The following OTULIN variants were observed in gnomAD, a reference collection of about 807,000 sequenced individuals.
OTULIN encodes ubiquitin thioesterase otulin.
OTULIN carries 15 observed loss-of-function variants against 39.6 expected under a neutral mutation model. The ratio of observed to expected loss-of-function variants is 0.38; its 90% CI spans 0.25 to 0.58. The LOEUF (loss-of-function observed/expected upper bound fraction) is 0.58. Ranked by LOEUF, OTULIN falls within the 20% of genes least tolerant of loss-of-function variation. OTULIN has a pLI of 0.66. For missense variants in OTULIN, 319 were observed against 445.9 expected, an observed-to-expected ratio of 0.72 and a Z score of 2.56; for synonymous variants, 156 against 170.3, an observed-to-expected ratio of 0.92 and a Z score of 0.65.
chr5:14,678,604 T>C, intron 2 of OTULIN, 77 bp from the exon 3 acceptor site: 1 of 1,020,906 alleles, frequency 9.8e-7, no homozygotes, highest in South Asian at 1.8e-5. Flanking sequence ...GAGTGAAGGG[T>C]AACCCCCAAC....
chr5:14,712,193 G>T, the OTULIN span, among the ~76,000 whole-genome samples: 2 of 152,238 alleles, frequency 1.3e-5, no homozygotes, highest in Admixed American at 6.5e-5. Context: ...GCAGGGGACA[G>T]CCAGTGTCCT....
chr5:14,694,022 G>A lies in OTULIN; in HGVS notation c.*974G>A, dbSNP rs1736601935. The A allele has an allele frequency of 6.6e-6, 1 of 152,306 alleles. No individual in the cohort carries two copies. Among genetic ancestry groups the A allele is most frequent in the Admixed American group, 6.5e-5 (1 of 15,286 alleles). The allele number at this position is 152,306 out of a possible 1,614,324, so 9.4% of individuals were successfully genotyped here. ...GAACCAAAGGCCAAATTACTTTGAG[G>A]TAGGGCTTAGCTGGACCTGGGTTTT... On this transcript the variant is annotated 3_prime_UTR_variant, in exon 7 of 7. Transcript: ENST00000284274.
chr5:14,703,902 C>T (rs1736864458), downstream of OTULIN, among the ~76,000 whole-genome samples: 1 of 152,096 alleles, frequency 6.6e-6, no homozygotes, highest in Non-Finnish European at 1.5e-5. Context: ...AATAGGCAAT[C>T]CCAAGCGAGT....
At chr5:14,700,657 C>G (rs1736778470), downstream of OTULIN, among the ~76,000 whole-genome samples, 1 of 150,102 alleles carries the variant, frequency 6.7e-6, no homozygotes, top group Admixed American at 6.7e-5. Flanking sequence ...CCCGCTGTGC[C>G]TACCCTCCCC....
chr5:14,714,534 C>T, the OTULIN span, among the ~76,000 whole-genome samples: 5 of 152,328 alleles, frequency 3.3e-5, no homozygotes, highest in South Asian at 2.1e-4. Context: ...ATAAAAATTC[C>T]TTTCCAGGAT....
At chr5:14,667,824 T>G (rs1268027574) in intron 1 of OTULIN, among the ~76,000 whole-genome samples, 3 of 152,082 alleles carry the variant, frequency 2.0e-5, no homozygotes, top group Non-Finnish European at 4.4e-5. Flanking sequence ...TAACTTAGGG[T>G]CATATTTGAA....
rs371849316 is a variant in OTULIN, at chr5:14,668,737, T to C, written c.152+3760T>C. Among the ~76,000 whole-genome samples the C allele has an allele frequency of 6.6e-5, 10 of 152,370 alleles. No homozygotes were observed. In the East Asian group the frequency reaches 1.2e-3, roughly 18 times the overall value. On this transcript the variant is annotated intron_variant, in intron 1 of 6. Coordinates refer to ENST00000284274, the MANE Select transcript of OTULIN (RefSeq NM_138348.6). ...TCATAATGGTGAGTGATTAAAATTC[T>C]GTCTTGTTAGCTTTGCATATACATT...
the OTULIN span, among the ~76,000 whole-genome samples, chr5:14,714,252 C>T: frequency 6.6e-6 from 1 of 152,214 alleles, no homozygotes; most frequent in African/African-American, 2.4e-5. Context: ...GGTGTGCTGC[C>T]ATTTCACCAA....
At chr5:14,711,358 G>A in the OTULIN span, 1 of 1,511,576 alleles carries the variant, frequency 6.6e-7, no homozygotes, top group Non-Finnish European at 9.2e-7. Context: ...TGGGGACACT[G>A]CACAGCAGAA....
At chr5:14,702,238 G>A (rs1005524393), downstream of OTULIN, among the ~76,000 whole-genome samples, 3 of 152,232 alleles carry the variant, frequency 2.0e-5, no homozygotes, top group African/African-American at 7.2e-5. Flanking sequence ...GGAGACAGGA[G>A]AAAATGTGGA....
intron 4 of OTULIN, among the ~76,000 whole-genome samples, chr5:14,685,516 G>T (rs993515557): frequency 6.6e-6 from 1 of 152,122 alleles, no homozygotes; most frequent in African/African-American, 2.4e-5. Flanking sequence ...TTTTTCTTCT[G>T]AATAAATTTG....
chr5:14,712,810 G>T, the OTULIN span: 1 of 1,484,874 alleles, frequency 6.7e-7, no homozygotes, highest in Non-Finnish European at 9.2e-7. Flanking sequence ...GTCAGTGGCT[G>T]CTCAGGTTCT....
chr5:14,666,176 C>G (rs904569792), intron 1 of OTULIN, among the ~76,000 whole-genome samples: 2 of 152,152 alleles, frequency 1.3e-5, no homozygotes, highest in Non-Finnish European at 2.9e-5. Context: ...GCACCTCGGC[C>G]CCAGCTGTGT....
the OTULIN span, chr5:14,707,885 A>T: frequency 6.6e-6 from 1 of 152,192 alleles, no homozygotes; most frequent in Non-Finnish European, 1.5e-5. Context: ...GGCACAAGAC[A>T]AACCCGATGC....
chr5:14,692,813 G>A (rs1488486339), intron 6 of OTULIN, 41 bp from the exon 7 acceptor site: 7 of 1,587,376 alleles, frequency 4.4e-6, no homozygotes, highest in Non-Finnish European at 6.0e-6. Context: ...ACGTTTTTCA[G>A]TGTGATCTTC....
the OTULIN span, chr5:14,713,094 A>T: frequency 1.0e-6 from 1 of 984,280 alleles, no homozygotes; most frequent in Non-Finnish European, 1.6e-6. The surrounding 1 kb of genome is among the most constrained non-coding windows in gnomAD (Gnocchi z 4.4). Context: ...GGCGTTCTCC[A>T]TCTGCTGGCT....
chr5:14,698,773 G>A lies in OTULIN; in HGVS notation c.*5725G>A, dbSNP rs1032519562. 9 of 152,262 alleles carry A rather than the reference G, an allele frequency of 5.9e-5. No individual in the cohort carries two copies. The highest frequency in any genetic ancestry group is 1.0e-4 in the Non-Finnish European group (7 of 68,100). 9.4% of individuals were successfully genotyped at this position (152,262 alleles called of 1,614,324 possible). On this transcript the variant is annotated 3_prime_UTR_variant, in exon 7 of 7. Coordinates refer to ENST00000284274, the MANE Select transcript of OTULIN (RefSeq NM_138348.6). Reference sequence around the variant, plus strand: ...TGTGAGCAGAGGAATCAAGGGTTTAGGGAGGCAGTATTGGGCAGTGTGGAA... The same window carrying A: ...TGTGAGCAGAGGAATCAAGGGTTTAAGGAGGCAGTATTGGGCAGTGTGGAA...
At chr5:14,712,855 CCCGGCGCGGCTGTCTCACCTGCTT>C in the OTULIN span, 1 of 1,584,964 alleles carries the variant, frequency 6.3e-7, no homozygotes, top group Non-Finnish European at 8.6e-7. Flanking sequence ...GGAGGAGGCT[CCCGGCGCGGCTGTCTCACCTGCTT>C]CCGGTAGACA....
downstream of OTULIN, among the ~76,000 whole-genome samples, chr5:14,704,329 C>CAAAAAAAA (rs1194771023): frequency 3.1e-5 from 2 of 65,522 alleles, no homozygotes; most frequent in African/African-American, 6.7e-5. Context: ...GACTCCGTCT[C>CAAAAAAAA]AAAAAAAAAA....
Sources: allele counts gnomAD v4.1 joint callset (sites outside exome capture counted in the v4.1 genomes callset), GRCh38; gene constraint gnomAD v4.1.1; non-coding constraint Gnocchi (gnomAD v3.1); transcripts MANE v1.5; gene names NCBI Gene and HGNC (gene_info 2026-07-23, HGNC 2026-07-21).